The following RBM44 variants were observed in gnomAD, a reference collection of about 807,000 sequenced individuals.
The protein encoded by RBM44 is RNA binding motif protein 44.
Under a neutral mutation model 105.1 loss-of-function variants are expected in RBM44, and 66 were observed. The ratio of observed to expected loss-of-function variants is 0.63; its 90% CI spans 0.52 to 0.77. The LOEUF is 0.77. RBM44 is among the 30% of genes least tolerant of loss of function. The probability of loss-of-function intolerance (pLI) is 0.00; values close to 1 mark genes in which losing one functional copy is unlikely to be tolerated. For missense variants in RBM44, 1,122 were observed against 1,207.8 expected (o/e 0.93, Z 1.05); for synonymous variants, 365 against 417.6 (o/e 0.87, Z 1.54).
intron 1 of RBM44, among the ~76,000 whole-genome samples, chr2:237,811,933 C>T (rs1468340265): frequency 6.6e-6 from 1 of 152,220 alleles, no homozygotes; most frequent in Non-Finnish European, 1.5e-5. Context: ...CAGCTCACTG[C>T]AACCTCCATC....
intron 1 of RBM44, among the ~76,000 whole-genome samples, chr2:237,807,101 A>C (rs2061606901): frequency 6.6e-6 from 1 of 152,202 alleles, no homozygotes; most frequent in African/African-American, 2.4e-5. Flanking sequence ...GGATAATGAC[A>C]GGCTAAGTAA....
intron 13 of RBM44, among the ~76,000 whole-genome samples, chr2:237,831,224 C>G (rs1434424955): frequency 8.2e-6 from 1 of 122,640 alleles, no homozygotes; most frequent in Non-Finnish European, 1.6e-5. Context: ...ACTTTACCAT[C>G]CTTATTTGTC....
At chr2:237,828,442 G>T (rs2061870956) in intron 12 of RBM44, among the ~76,000 whole-genome samples, 1 of 152,216 alleles carries the variant, frequency 6.6e-6, no homozygotes, top group East Asian at 1.9e-4. Context: ...ATTATTACTT[G>T]ATGTGAAAAC....
At chr2:237,806,679 A>G (rs1003612117) in intron 1 of RBM44, among the ~76,000 whole-genome samples, 1 of 152,232 alleles carries the variant, frequency 6.6e-6, no homozygotes, top group Non-Finnish European at 1.5e-5. Flanking sequence ...GAGAGAAGGG[A>G]GATATATAAA....
intron 6 of RBM44, 35 bp downstream of exon 6, chr2:237,821,289 CT>C (rs1457411152): frequency 1.3e-6 from 2 of 1,551,150 alleles, no homozygotes; most frequent in Non-Finnish European, 1.7e-6. Context: ...AAAAATTTTA[CT>C]TCATTTAGAC....
intron 2 of RBM44, 65 bp from the exon 3 acceptor site, chr2:237,816,928 A>G (rs186494236): frequency 1.1e-5 from 11 of 1,000,978 alleles, no homozygotes; most frequent in East Asian, 2.6e-5. Flanking sequence ...GATCATGTCT[A>G]AGGTTTTTCT....
At chr2:237,802,149 C>G (rs1258982845) in intron 1 of RBM44, among the ~76,000 whole-genome samples, 1 of 152,190 alleles carries the variant, frequency 6.6e-6, no homozygotes, top group East Asian at 1.9e-4. Flanking sequence ...TTAAGTAACT[C>G]TCTGAAAAGC....
chr2:237,821,045 GT>G, intron 5 of RBM44, 25 bp from the exon 6 acceptor site: 1 of 1,551,818 alleles, frequency 6.4e-7, no homozygotes, highest in East Asian at 2.3e-5. Flanking sequence ...AAATAATTTA[GT>G]TTTGTGCACT....
At position 237,817,436 on chromosome 2, in the gene RBM44, G is replaced by A. The variant is rs761245306; in HGVS notation, c.517G>A (p.Glu173Lys). 115 of 1,598,892 alleles carry A rather than the reference G, an allele frequency of 7.2e-5. No homozygotes were observed. The highest frequency in any genetic ancestry group is 9.7e-5 in the Non-Finnish European group (114 of 1,171,898). The part of the protein sequence containing the change: ...ISDANYRESA[E>K]DTQKHDTDED... ...AGATGCTAATTATAGAGAAAGTGCTGAAGATACACAAAAGCATGATACAGA... is the reference window on the plus strand; with the variant it reads ...AGATGCTAATTATAGAGAAAGTGCTAAAGATACACAAAAGCATGATACAGA... Residue 173 changes from glutamate (E) to lysine (K), a missense_variant, in exon 3 of 16, where the codon GAA becomes AAA. Glu to Lys is a moderately conservative substitution (Grantham distance 56). Around this residue, in one of 3 missense-constraint regions of RBM44, gnomAD observed 918 missense variants for 955.3 expected, o/e 0.96. Transcript: ENST00000316997.
intron 2 of RBM44, 60 bp from the exon 3 acceptor site, chr2:237,816,933 T>C (rs1239151220): frequency 1.9e-6 from 2 of 1,065,872 alleles, no homozygotes; most frequent in African/African-American, 3.2e-5. Context: ...TGTCTAAGGT[T>C]TTTCTAGTGT....
intron 5 of RBM44, chr2:237,820,791 T>TCCCA: frequency 3.3e-6 from 1 of 304,264 alleles, no homozygotes; most frequent in South Asian, 1.1e-4. Context: ...CTTGTGCCTG[T>TCCCA]AATCCCAGCA....
At chr2:237,815,732 A>G (rs1576503039) in intron 2 of RBM44, among the ~76,000 whole-genome samples, 1 of 152,074 alleles carries the variant, frequency 6.6e-6, no homozygotes, top group African/African-American at 2.4e-5. Flanking sequence ...GTAAAAAAAA[A>G]TCTTTTGAAA....
At position 237,827,228 on chromosome 2, in the gene RBM44, T is replaced by C. The variant is rs764840986; in HGVS notation, c.2450-22T>C. 15 of 1,296,010 alleles carry C rather than the reference T, an allele frequency of 1.2e-5. No homozygotes were observed. In the East Asian group the frequency reaches 2.3e-4, roughly 20 times the overall value. 80.3% of individuals were successfully genotyped at this position (1,296,010 alleles called of 1,614,324 possible). ...ATCAGTACAATAAAGATCATTTCTGTTACATGTTTTTCTCTAAGCAGAAAT... is the reference window on the plus strand; with the variant it reads ...ATCAGTACAATAAAGATCATTTCTGCTACATGTTTTTCTCTAAGCAGAAAT... On this transcript the variant is annotated intron_variant, in intron 10 of 15. Coordinates refer to ENST00000316997, the MANE Select transcript of RBM44 (RefSeq NM_001080504.3).
At chr2:237,807,772 C>T (rs115613658) in intron 1 of RBM44, among the ~76,000 whole-genome samples, 23 of 152,246 alleles carry the variant, frequency 1.5e-4, no homozygotes, top group Non-Finnish European at 3.2e-4. Context: ...TAAAGTAAAC[C>T]AGCCCTTCCT....
chr2:237,817,686 A>G lies in RBM44; in HGVS notation c.767A>G (p.Glu256Gly). ...GATTCACTTGATGTTTATGGACAAG[A>G]AGAGTCACTTCATGTCTCCAAATTT... is the stretch of plus-strand genomic sequence containing the variant. ...SFDSLDVYGQ[E>G]ESLHVSKFQN... Residue 256 changes from glutamate (E) to glycine (G), a missense_variant, in exon 3 of 16, where the codon GAA becomes GGA. By Grantham distance (98) the Glu-to-Gly change is moderately conservative. Coordinates refer to ENST00000316997, the MANE Select transcript of RBM44 (RefSeq NM_001080504.3). 6.2e-7 allele frequency: 1 copy of G among 1,612,810 alleles called. No homozygotes were observed. The highest frequency in any genetic ancestry group is 8.5e-7 in the Non-Finnish European group (1 of 1,179,298).
intron 15 of RBM44, among the ~76,000 whole-genome samples, chr2:237,837,428 A>C (rs1398270085): frequency 2.0e-5 from 3 of 152,230 alleles, no homozygotes; most frequent in Non-Finnish European, 4.4e-5. Context: ...TTTATTATTC[A>C]TGAGAGGAGG....
intron 2 of RBM44, 134 bp from the exon 3 acceptor site, chr2:237,816,859 A>G (rs1220677052): frequency 1.7e-6 from 1 of 578,418 alleles, no homozygotes; most frequent in Admixed American, 3.4e-5. Flanking sequence ...TGCTACTGAA[A>G]GGGATATTTT....
At chr2:237,827,988 C>G (rs1031724404) in intron 12 of RBM44, among the ~76,000 whole-genome samples, 2 of 152,100 alleles carry the variant, frequency 1.3e-5, no homozygotes, top group African/African-American at 4.8e-5. Context: ...ATGTGAAACA[C>G]TAGGAATAAA....
Position 237,817,505 on chromosome 2 carries a change from T to C in RBM44, c.586T>C (p.Tyr196His). ...QEYHSAEEQE[Y>H]ISNHLSFDQT... The stretch of plus-strand genomic sequence containing the variant: ...ATATCACAGTGCAGAAGAACAAGAA[T>C]ACATAAGTAACCATTTATCTTTTGA... The change falls in exon 3 of 16, where the codon TAC becomes CAC. Residue 196 changes from tyrosine to histidine, a missense_variant. By Grantham distance (83) the Tyr-to-His change is moderately conservative. This residue lies in a region of RBM44 where 918 missense variants were observed against 955.3 expected (regional missense o/e 0.96). Transcript: ENST00000316997. The C allele has an allele frequency of 6.2e-7, 1 of 1,607,026 alleles. No individual in the cohort carries two copies. Among genetic ancestry groups the C allele is most frequent in the Non-Finnish European group, 8.5e-7 (1 of 1,176,120 alleles).
Sources: allele counts gnomAD v4.1 joint callset (sites outside exome capture counted in the v4.1 genomes callset), GRCh38; gene constraint gnomAD v4.1.1; regional missense constraint gnomAD v4.1.1; transcripts MANE v1.5; gene names NCBI Gene and HGNC (gene_info 2026-07-23, HGNC 2026-07-21).